The following SLC25A21 variants were observed in gnomAD, a reference collection of about 807,000 sequenced individuals.
SLC25A21 encodes solute carrier family 25 member 21.
Under a neutral mutation model 43.8 loss-of-function variants are expected in SLC25A21, and 47 were observed. The observed-to-expected ratio is 1.07, with a 90% CI of 0.85 to 1.37. The LOEUF is 1.37. Among genes scored for constraint, SLC25A21 ranks in the 40% most tolerant of loss-of-function variants. The pLI is 0.00. For missense variants in SLC25A21, 352 were observed against 350.2 expected (o/e 1.00, Z -0.04); for synonymous variants, 131 against 121.3 (o/e 1.08, Z -0.52).
At chr14:36,776,403 A>AT (rs1336910112) in intron 3 of SLC25A21, among the ~76,000 whole-genome samples, 16 of 150,552 alleles carry the variant, frequency 1.1e-4, no homozygotes, top group South Asian at 2.1e-4. Context: ...TGCCAGGCTA[A>AT]TTTTTTTTGT....
chr14:36,776,286 G>C (rs1232258399), intron 3 of SLC25A21, among the ~76,000 whole-genome samples: 2 of 128,802 alleles, frequency 1.6e-5, no homozygotes, highest in Non-Finnish European at 3.1e-5. Flanking sequence ...GCCCAGGCTG[G>C]AGTGCAGTGG....
At chr14:37,071,528 A>G (rs1214306144) in intron 1 of SLC25A21, among the ~76,000 whole-genome samples, 1 of 152,202 alleles carries the variant, frequency 6.6e-6, no homozygotes, top group Admixed American at 6.5e-5. Flanking sequence ...TAGCTTCAGA[A>G]TATTTCTTAA....
chr14:36,827,399 G>A (rs1164509443), intron 2 of SLC25A21, among the ~76,000 whole-genome samples: 1 of 152,082 alleles, frequency 6.6e-6, no homozygotes, highest in Non-Finnish European at 1.5e-5. Context: ...GGCCTACTAA[G>A]CCCACTCTTA....
intron 3 of SLC25A21, among the ~76,000 whole-genome samples, chr14:36,785,646 A>G (rs1303031342): frequency 1.3e-5 from 2 of 152,200 alleles, no homozygotes; most frequent in African/African-American, 4.8e-5. Context: ...CATCCTGCAT[A>G]ATGTAAGCTC....
chr14:37,026,956 G>GA (rs1476366908), intron 1 of SLC25A21, among the ~76,000 whole-genome samples: 9 of 152,128 alleles, frequency 5.9e-5, no homozygotes, highest in Non-Finnish European at 2.9e-5. Flanking sequence ...TTTGAGAGGA[G>GA]AAAAAACGGT....
At chr14:37,036,250 C>A (rs1185922697) in intron 1 of SLC25A21, among the ~76,000 whole-genome samples, 1 of 152,120 alleles carries the variant, frequency 6.6e-6, no homozygotes, top group Non-Finnish European at 1.5e-5. Context: ...TCTGCCAAGG[C>A]TGTGCTATAA....
chr14:37,027,746 T>G (rs1198163181), intron 1 of SLC25A21, among the ~76,000 whole-genome samples: 1 of 152,198 alleles, frequency 6.6e-6, no homozygotes, highest in African/African-American at 2.4e-5. Context: ...TGAAAACAGC[T>G]GTTTGGCCTG....
At chr14:37,009,861 G>A (rs769776642) in intron 1 of SLC25A21, among the ~76,000 whole-genome samples, 4 of 152,132 alleles carry the variant, frequency 2.6e-5, no homozygotes, top group Non-Finnish European at 5.9e-5. Context: ...AGTGGGGAGA[G>A]ACAGGGCTCA....
At chr14:37,046,382 A>G (rs1961586483) in intron 1 of SLC25A21, among the ~76,000 whole-genome samples, 1 of 152,182 alleles carries the variant, frequency 6.6e-6, no homozygotes, top group Admixed American at 6.5e-5. Context: ...CATCCCCCAA[A>G]GAAGGCTGTG....
intron 1 of SLC25A21, among the ~76,000 whole-genome samples, chr14:36,954,246 A>G (rs866121381): frequency 8.5e-5 from 13 of 152,050 alleles, no homozygotes; most frequent in African/African-American, 2.7e-4. Context: ...ACACCCTTTT[A>G]CGGAATTCTC....
chr14:37,009,175 T>C (rs1036055535), intron 1 of SLC25A21, among the ~76,000 whole-genome samples: 5 of 152,174 alleles, frequency 3.3e-5, no homozygotes, highest in African/African-American at 4.8e-5. Flanking sequence ...ATGTTTTTCT[T>C]TGAAACTAAG....
chr14:37,164,524 C>A (rs181763046), intron 1 of SLC25A21, among the ~76,000 whole-genome samples: 316 of 152,276 alleles, frequency 2.1e-3, no homozygotes, highest in Non-Finnish European at 3.8e-3. Context: ...ATCCCCTTTG[C>A]ACCATTTTGC....
chr14:36,807,320 G>T (rs572380157), intron 3 of SLC25A21, among the ~76,000 whole-genome samples: 5 of 152,280 alleles, frequency 3.3e-5, no homozygotes, highest in Middle Eastern at 3.4e-3. Flanking sequence ...GGCAATGCTG[G>T]GTGGATGAAT....
chr14:36,722,823 T>A (rs1884429772), intron 6 of SLC25A21, among the ~76,000 whole-genome samples: 1 of 152,234 alleles, frequency 6.6e-6, no homozygotes, highest in African/African-American at 2.4e-5. Flanking sequence ...GCATTACTTT[T>A]ATGCTTGGAT....
Position 36,725,600 on chromosome 14 carries a change from G to A in SLC25A21, c.408C>T (p.Gly136=). The A allele has an allele frequency of 6.3e-7, 1 of 1,592,180 alleles. No homozygotes were observed. Among genetic ancestry groups the A allele is most frequent in the Non-Finnish European group, 8.5e-7 (1 of 1,169,808 alleles). ...CAAATGTGTTCCGATTTGCTTGCAA[G>A]CCAACTTTTACTACCTCAAAAGGGT... is the stretch of plus-strand genomic sequence containing the variant. ...VVNPFEVVKV[G]LQANRNTFAE... The change falls in exon 6 of 10, where the codon GGC becomes GGT. Residue 136 remains glycine, a synonymous_variant. Coordinates refer to ENST00000331299, the MANE Select transcript of SLC25A21 (RefSeq NM_030631.4).
At chr14:36,708,170 G>A (rs943089910) in intron 7 of SLC25A21, among the ~76,000 whole-genome samples, 11 of 152,158 alleles carry the variant, frequency 7.2e-5, no homozygotes, top group Admixed American at 3.9e-4. Context: ...TACTTTGGAT[G>A]GGAGTGAGGA....
At chr14:36,977,923 C>T (rs1959917379) in intron 1 of SLC25A21, among the ~76,000 whole-genome samples, 1 of 147,290 alleles carries the variant, frequency 6.8e-6, no homozygotes, top group South Asian at 2.1e-4. Context: ...TTCACACACT[C>T]CTCAGTGATT....
intron 1 of SLC25A21, among the ~76,000 whole-genome samples, chr14:37,161,403 G>C (rs1455152135): frequency 6.6e-6 from 1 of 152,130 alleles, no homozygotes; most frequent in Non-Finnish European, 1.5e-5. Flanking sequence ...ATGAAAAGAG[G>C]AACACAGGAC....
chr14:36,922,863 C>T (rs542751187), intron 1 of SLC25A21, among the ~76,000 whole-genome samples: 1 of 152,070 alleles, frequency 6.6e-6, no homozygotes, highest in Non-Finnish European at 1.5e-5. Flanking sequence ...GCCTGCAAAA[C>T]AAACTAAAAA....
Sources: allele counts gnomAD v4.1 joint callset (sites outside exome capture counted in the v4.1 genomes callset), GRCh38; gene constraint gnomAD v4.1.1; transcripts MANE v1.5; gene names NCBI Gene and HGNC (gene_info 2026-07-23, HGNC 2026-07-21).